CADM2: variants seen among roughly 807,000 people sequenced by gnomAD.
CADM2 encodes the protein immunoglobulin superfamily member 4D.
Under a neutral mutation model 49.8 loss-of-function variants are expected in CADM2, and 12 were observed. The ratio of observed to expected loss-of-function variants is 0.24; its 90% CI spans 0.15 to 0.39. CADM2 has a LOEUF of 0.39. Among genes scored for constraint, CADM2 ranks in the 10% least tolerant of loss-of-function variants. The pLI is 1.00. For synonymous variants in CADM2, 214 were observed against 175.4 expected, an observed-to-expected ratio of 1.22 and a Z score of -1.74; for missense variants, 378 against 492.3, an observed-to-expected ratio of 0.77 and a Z score of 2.20.
chr3:85,913,236 T>C (rs1371770806), intron 6 of CADM2, among the ~76,000 whole-genome samples: 2 of 152,146 alleles, frequency 1.3e-5, no homozygotes, highest in African/African-American at 4.8e-5. Flanking sequence ...GACTTGTAAT[T>C]ATGGCAGTTT....
intron 1 of CADM2, among the ~76,000 whole-genome samples, chr3:85,268,019 G>C (rs1342131331): frequency 6.7e-6 from 1 of 149,128 alleles, no homozygotes. Context: ...AAAAGCAATA[G>C]GTTTCAGATA....
chr3:84,971,770 A>G (rs1423615259), intron 1 of CADM2, among the ~76,000 whole-genome samples: 3 of 152,176 alleles, frequency 2.0e-5, no homozygotes, highest in Non-Finnish European at 4.4e-5. Context: ...AATATTTCTT[A>G]TCATTTAATG....
Position 85,011,847 on chromosome 3 carries a change from G to C in CADM2, c.61+52179G>C, listed in dbSNP as rs577067124. 1.0e-3 allele frequency among the ~76,000 whole-genome samples: 156 copies of C among 151,352 alleles called. 1 individual carries two copies. The highest frequency in any genetic ancestry group is 3.5e-3 in the African/African-American group (145 of 41,232). ...GCTGCATGCCACTGCACTACAACCGGGGTTACAAAGAAAGACCCTGTCTCA... is the reference window on the plus strand; with the variant it reads ...GCTGCATGCCACTGCACTACAACCGCGGTTACAAAGAAAGACCCTGTCTCA... On this transcript the variant is annotated intron_variant, in intron 1 of 9. Coordinates refer to ENST00000383699, the MANE Select transcript of CADM2 (RefSeq NM_001167675.2).
intron 1 of CADM2, among the ~76,000 whole-genome samples, chr3:85,053,025 A>G (rs955626141): frequency 1.9e-4 from 29 of 152,068 alleles, no homozygotes; most frequent in African/African-American, 7.0e-4. Context: ...CTAAAGAAAC[A>G]AATCACATTT....
chr3:85,845,319 G>A (rs1337265301), intron 3 of CADM2, among the ~76,000 whole-genome samples: 1 of 152,106 alleles, frequency 6.6e-6, no homozygotes, highest in Admixed American at 6.5e-5. Flanking sequence ...CAGGCTGATA[G>A]GCTGGGCCAG....
At chr3:85,091,314 A>G (rs923323910) in intron 1 of CADM2, among the ~76,000 whole-genome samples, 1 of 152,176 alleles carries the variant, frequency 6.6e-6, no homozygotes, top group African/African-American at 2.4e-5. Context: ...AGTTATGCGT[A>G]ATCTGTAAAG....
chr3:85,695,589 T>TAC lies in CADM2; in HGVS notation c.62-30916_62-30915dup, dbSNP rs141317727. Among the ~76,000 whole-genome samples the TAC allele has an allele frequency of 3.5e-3, 523 of 149,226 alleles. 2 individuals are homozygous for TAC. Among genetic ancestry groups the TAC allele is most frequent in the Middle Eastern group, 0.01 (3 of 288 alleles). Reference sequence around the variant, plus strand: ...ATATACACATATATATACGGGTACGTACACACACACACACACACGCACACA... The same window carrying TAC: ...ATATACACATATATATACGGGTACGTACACACACACACACACACACGCACACA... On this transcript the variant is annotated intron_variant, in intron 1 of 9. Transcript: ENST00000383699.
intron 1 of CADM2, among the ~76,000 whole-genome samples, chr3:85,365,898 G>C (rs955000269): frequency 6.6e-6 from 1 of 152,074 alleles, no homozygotes; most frequent in Non-Finnish European, 1.5e-5. Flanking sequence ...TTCACACCAC[G>C]CAATCATGGA....
At chr3:85,998,206 T>C (rs1405134764) in intron 8 of CADM2, among the ~76,000 whole-genome samples, 1 of 152,156 alleles carries the variant, frequency 6.6e-6, no homozygotes, top group Non-Finnish European at 1.5e-5. Flanking sequence ...ATATAGCATA[T>C]GTATTTTTTT....
At chr3:85,357,728 T>C (rs1262853077) in intron 1 of CADM2, among the ~76,000 whole-genome samples, 1 of 152,078 alleles carries the variant, frequency 6.6e-6, no homozygotes, top group Non-Finnish European at 1.5e-5. Flanking sequence ...GGTAAGATAG[T>C]GTAAAACTTC....
At chr3:85,766,590 G>T (rs1456929170) in intron 2 of CADM2, among the ~76,000 whole-genome samples, 2 of 152,224 alleles carry the variant, frequency 1.3e-5, no homozygotes, top group African/African-American at 4.8e-5. Context: ...ACACATTTTA[G>T]TTTTGTGATG....
chr3:85,424,599 A>G (rs897548807), intron 1 of CADM2, among the ~76,000 whole-genome samples: 1 of 152,120 alleles, frequency 6.6e-6, no homozygotes, highest in Non-Finnish European at 1.5e-5. Context: ...TCATTGTTCA[A>G]GAAGAGTTGT....
At chr3:86,056,135 C>T (rs1419499115) in intron 8 of CADM2, among the ~76,000 whole-genome samples, 1 of 152,148 alleles carries the variant, frequency 6.6e-6, no homozygotes, top group East Asian at 1.9e-4. Context: ...CACAGGTAAT[C>T]TCCTCATGGA....
chr3:85,977,018 AC>A (rs921523120), intron 8 of CADM2, among the ~76,000 whole-genome samples: 2 of 151,348 alleles, frequency 1.3e-5, no homozygotes, highest in African/African-American at 4.8e-5. Context: ...TGCTCCTAGT[AC>A]TTGAAAATAT....
chr3:85,734,125 G>GA (rs1008614486), intron 2 of CADM2, among the ~76,000 whole-genome samples: 7 of 152,040 alleles, frequency 4.6e-5, no homozygotes, highest in Admixed American at 3.3e-4. Context: ...TATTTTTAAT[G>GA]AAAAAAATTA....
chr3:85,941,778 C>A (rs1429419964), intron 7 of CADM2, among the ~76,000 whole-genome samples: 1 of 152,066 alleles, frequency 6.6e-6, no homozygotes, highest in Non-Finnish European at 1.5e-5. Flanking sequence ...AAATGCAGAT[C>A]TGGAAGGCCT....
At chr3:85,731,492 A>T (rs2067927036) in intron 2 of CADM2, among the ~76,000 whole-genome samples, 1 of 152,162 alleles carries the variant, frequency 6.6e-6, no homozygotes, top group Non-Finnish European at 1.5e-5. Flanking sequence ...GCACTTAGTA[A>T]ATTGTACCTA....
chr3:85,915,172 C>T (rs527814046), intron 6 of CADM2, among the ~76,000 whole-genome samples: 1 of 152,146 alleles, frequency 6.6e-6, no homozygotes, highest in East Asian at 1.9e-4. Flanking sequence ...AGCATTTTAG[C>T]CATTAACCAT....
intron 8 of CADM2, among the ~76,000 whole-genome samples, chr3:85,989,521 C>A (rs1728504373): frequency 6.6e-6 from 1 of 152,036 alleles, no homozygotes; most frequent in South Asian, 2.1e-4. Context: ...AAGGTCATTG[C>A]AGAGAAGTCA....
Sources: allele counts gnomAD v4.1 joint callset (sites outside exome capture counted in the v4.1 genomes callset), GRCh38; gene constraint gnomAD v4.1.1; transcripts MANE v1.5; gene names NCBI Gene and HGNC (gene_info 2026-07-23, HGNC 2026-07-21).